The following NRP1 variants were observed in gnomAD, a reference collection of about 807,000 sequenced individuals.
NRP1 encodes the protein neuropilin 1, also known as neuropilin-1.
In NRP1, 35 loss-of-function variants were observed where a neutral mutation model predicts 106.7. The ratio of observed to expected loss-of-function variants is 0.33; its 90% confidence interval spans 0.25 to 0.43. NRP1 has a LOEUF of 0.43. NRP1 is among the 20% of genes least tolerant of loss of function. The pLI, the probability that NRP1 is intolerant of heterozygous loss-of-function variation, is 1.00. For synonymous variants in NRP1, 437 were observed against 417.9 expected (o/e 1.05, Z -0.56); for missense variants, 1,024 against 1,170.4 (o/e 0.87, Z 1.83).
At chr10:33,271,123 G>A (rs368568113) in intron 2 of NRP1, among the ~76,000 whole-genome samples, 4 of 152,082 alleles carry the variant, frequency 2.6e-5, no homozygotes, top group African/African-American at 9.7e-5. Context: ...GTCAGTTAAA[G>A]TAACCAATTA....
At chr10:33,329,332 T>G (rs1207763195) in intron 2 of NRP1, among the ~76,000 whole-genome samples, 1 of 152,204 alleles carries the variant, frequency 6.6e-6, no homozygotes, top group African/African-American at 2.4e-5. Flanking sequence ...AAACTGGTCA[T>G]CAGCCTGTGG....
In NRP1 at chr10:33,180,190, A is replaced by G. The variant is rs532941278; in HGVS notation, c.2658T>C (p.Asn886=). 2 of 1,614,116 alleles carry G rather than the reference A, an allele frequency of 1.2e-6. No individual in the cohort carries two copies. The highest frequency in any genetic ancestry group is 2.2e-5 in the East Asian group (1 of 44,880). The change falls in exon 17 of 17, where the codon AAT becomes AAC. Residue 886 remains asparagine, a synonymous_variant. Coordinates refer to ENST00000374867, the MANE Select transcript of NRP1 (RefSeq NM_003873.7). ...CAGACAAGTTTCTTTCTGACATCCC[A>G]TTATGCCAACAGGCACAGTACAGCA... ...GVVLYCACWH[N]GMSERNLSAL...
At chr10:33,266,774 G>A (rs373883295) in intron 3 of NRP1, among the ~76,000 whole-genome samples, 93 of 152,298 alleles carry the variant, frequency 6.1e-4, no homozygotes, top group African/African-American at 2.2e-3. Context: ...TCCCCTCTTG[G>A]CCTTGTCCTT....
At chr10:33,198,654 C>G (rs953975185) in intron 11 of NRP1, among the ~76,000 whole-genome samples, 1 of 152,118 alleles carries the variant, frequency 6.6e-6, no homozygotes, top group African/African-American at 2.4e-5. Context: ...CTCTAAGCTT[C>G]AAATCGTTTT....
In NRP1 at chr10:33,256,606, A is replaced by C. The variant is rs1842215090; in HGVS notation, c.659-135T>G. 4 of 935,526 alleles carry C rather than the reference A, an allele frequency of 4.3e-6. No individual in the cohort carries two copies. In the South Asian group the frequency reaches 4.9e-5, roughly 12 times the overall value. 58.0% of individuals were successfully genotyped at this position (935,526 alleles called of 1,614,324 possible). On this transcript the variant is annotated intron_variant, in intron 4 of 16. Transcript: ENST00000374867. ...ACCCAAAGCAAGGCTTCCCTAAGTT[A>C]ATTGGTTTGCTGTGAACATATTGGA...
At chr10:33,286,622 A>G (rs544241229) in intron 2 of NRP1, among the ~76,000 whole-genome samples, 3 of 152,278 alleles carry the variant, frequency 2.0e-5, no homozygotes, top group Admixed American at 1.3e-4. Flanking sequence ...ACCATTTAAC[A>G]CAAGCATTTT....
In NRP1 at chr10:33,330,769, G is replaced by A. The variant is rs1419281327; in HGVS notation, c.187C>T (p.Pro63Ser). Residue 63 changes from proline to serine, a missense_variant, in exon 2 of 17, where the codon CCA becomes TCA. By Grantham distance (74) the Pro-to-Ser change is moderately conservative. Coordinates refer to ENST00000374867, the MANE Select transcript of NRP1 (RefSeq NM_003873.7). ...AAGTTGATCATAATTCTCTGGTATG[G>A]GTCCGGAGCCTGAATCAGCCATTCG... is the stretch of plus-strand genomic sequence containing the variant. ...KCEWLIQAPD[P>S]YQRIMINFNP... 6.2e-7 allele frequency: 1 copy of A among 1,613,732 alleles called. No homozygotes were observed. Among genetic ancestry groups the A allele is most frequent in the East Asian group, 2.2e-5 (1 of 44,886 alleles).
At chr10:33,334,070 G>A (rs1035454320) in intron 1 of NRP1, among the ~76,000 whole-genome samples, 6 of 152,224 alleles carry the variant, frequency 3.9e-5, no homozygotes, top group Non-Finnish European at 7.3e-5. Flanking sequence ...TTGTAACAGA[G>A]GTAAGGAAAA....
intron 15 of NRP1, among the ~76,000 whole-genome samples, chr10:33,183,748 A>G (rs1307828570): frequency 6.6e-6 from 1 of 152,242 alleles, no homozygotes; most frequent in Non-Finnish European, 1.5e-5. Context: ...AGATTAATAA[A>G]TAGTTGATAA....
Position 33,334,431 on chromosome 10 carries a change from G to A in NRP1, c.-49C>T. 2.7e-6 allele frequency: 4 copies of A among 1,486,804 alleles called. No individual in the cohort carries two copies. Among genetic ancestry groups the A allele is most frequent in the East Asian group, 2.5e-5 (1 of 40,554 alleles). The allele number at this position is 1,486,804 out of a possible 1,614,324, so 92.1% of individuals were successfully genotyped here. A position where few individuals can be genotyped will look rare whatever the true frequency, so the allele number is the denominator to read the frequency against. On this transcript the variant is annotated 5_prime_UTR_variant, in exon 1 of 17. Transcript: ENST00000374867. ...CAGACGCGGGAGAACGAGGACGTGG[G>A]GGGAAATGCAGCAAAGAGGAGAATC...
At chr10:33,234,114 T>G (rs897336205) in intron 6 of NRP1, among the ~76,000 whole-genome samples, 2 of 152,184 alleles carry the variant, frequency 1.3e-5, no homozygotes, top group African/African-American at 4.8e-5. Context: ...TGGCTAAGGC[T>G]AAAATTACCA....
chr10:33,308,666 T>A (rs1846347052), intron 2 of NRP1, among the ~76,000 whole-genome samples: 1 of 151,916 alleles, frequency 6.6e-6, no homozygotes, highest in Admixed American at 6.6e-5. Flanking sequence ...TTTTTGTACT[T>A]TTAGTAGAGA....
At chr10:33,261,747 T>C (rs997213440) in intron 4 of NRP1, among the ~76,000 whole-genome samples, 3 of 152,170 alleles carry the variant, frequency 2.0e-5, no homozygotes, top group Admixed American at 6.5e-5. Flanking sequence ...TACTTATTCT[T>C]TTTTTTAAAA....
At chr10:33,261,411 A>C (rs1842564281) in intron 4 of NRP1, among the ~76,000 whole-genome samples, 1 of 152,250 alleles carries the variant, frequency 6.6e-6, no homozygotes, top group Non-Finnish European at 1.5e-5. Flanking sequence ...AATCCATTGT[A>C]AAATGTTCCA....
At chr10:33,194,080 C>T (rs1336745500) in intron 12 of NRP1, among the ~76,000 whole-genome samples, 1 of 152,136 alleles carries the variant, frequency 6.6e-6, no homozygotes, top group Non-Finnish European at 1.5e-5. Context: ...CTATCATAGC[C>T]ATGAAATAGG....
chr10:33,237,046 A>T (rs1019380029), intron 6 of NRP1, among the ~76,000 whole-genome samples: 1 of 152,018 alleles, frequency 6.6e-6, no homozygotes. Flanking sequence ...GCAACTGATA[A>T]ACTATGGAGC....
At position 33,180,346 on chromosome 10, in the gene NRP1, T is replaced by A. The variant is rs936099600; in HGVS notation, c.2502A>T (p.Glu834Asp). The change falls in exon 17 of 17, where the codon GAA (glutamate) becomes GAT (aspartate). Residue 834 changes from glutamate to aspartate, a missense_variant. Coordinates refer to ENST00000374867, the MANE Select transcript of NRP1 (RefSeq NM_003873.7). The stretch of plus-strand genomic sequence containing the variant: ...TGTTCTTGTCACCTTCTCCTTCACC[T>A]TCGTATCCTGGCGTGCTCCCTATGG... ...IDETGSTPGYEGEGEGDKNIS... is the reference protein window; with the variant it reads ...IDETGSTPGYDGEGEGDKNIS... The A allele has an allele frequency of 3.7e-6, 6 of 1,601,622 alleles. No individual in the cohort carries two copies. In the Admixed American group the frequency reaches 1.0e-4, roughly 27 times the overall value.
intron 2 of NRP1, among the ~76,000 whole-genome samples, chr10:33,310,593 G>T (rs1846531529): frequency 6.6e-6 from 1 of 151,994 alleles, no homozygotes; most frequent in African/African-American, 2.4e-5. Flanking sequence ...TGTTCTTTCG[G>T]ACCCAAAGAT....
At chr10:33,324,711 C>T (rs1847766358) in intron 2 of NRP1, among the ~76,000 whole-genome samples, 1 of 152,156 alleles carries the variant, frequency 6.6e-6, no homozygotes, top group Non-Finnish European at 1.5e-5. Context: ...GATCTTGGCT[C>T]ACTGCAACCT....
Sources: gnomAD v4.1 joint callset for allele counts (sites outside exome capture counted in the v4.1 genomes callset) on GRCh38, gnomAD v4.1.1 for gene constraint, MANE v1.5 for transcripts, NCBI Gene and HGNC (gene_info 2026-07-23, HGNC 2026-07-21) for gene names.